CLVS1: variants seen among roughly 807,000 people sequenced by gnomAD.
CLVS1 encodes the protein clavesin 1.
A neutral mutation model predicts 33.1 loss-of-function variants in CLVS1; 10 were observed. That is an observed-to-expected ratio of 0.30 (90% CI 0.19 to 0.51). CLVS1 has a LOEUF of 0.51. CLVS1 is among the 20% of genes least tolerant of loss of function. The pLI, the probability that CLVS1 is intolerant of heterozygous loss-of-function variation, is 0.97. For synonymous variants in CLVS1, 163 were observed against 166.1 expected (o/e 0.98, Z 0.14); for missense variants, 343 against 433.4 (o/e 0.79, Z 1.85).
At chr8:61,449,583 C>T (rs1208324390) in intron 3 of CLVS1, among the ~76,000 whole-genome samples, 1 of 152,298 alleles carries the variant, frequency 6.6e-6, no homozygotes, top group Non-Finnish European at 1.5e-5. Context: ...TGGCATAGAG[C>T]AGCTACTATC....
rs1554541696 is a variant in CLVS1, at chr8:61,166,035, T to TTTTTTTTTG, written c.-152+34183_-152+34184insGTTTTTTTT. 2.5e-4 allele frequency among the ~76,000 whole-genome samples: 26 copies of TTTTTTTTTG among 102,030 alleles called. 2 individuals carry two copies. In the Admixed American group the frequency reaches 2.7e-3, roughly 11 times the overall value. 66.9% of individuals were successfully genotyped at this position (102,030 alleles called of 152,430 possible). On this transcript the variant is annotated intron_variant, in intron 2 of 2. Transcript: ENST00000522621. ...TTTGTGGCTAAGCATCTAAGCGTTT[T>TTTTTTTTTG]TTTTTTTTTTGCCTGCCTTTGGAAT...
At chr8:61,468,941 C>A (rs1272858242) in intron 5 of CLVS1, among the ~76,000 whole-genome samples, 1 of 152,142 alleles carries the variant, frequency 6.6e-6, no homozygotes, top group Non-Finnish European at 1.5e-5. Context: ...CGATACCACA[C>A]CCCACGAGGT....
the CLVS1 span, among the ~76,000 whole-genome samples, chr8:61,022,466 G>A: frequency 6.6e-6 from 1 of 152,038 alleles, no homozygotes; most frequent in South Asian, 2.1e-4. Context: ...ATTTTTAATT[G>A]TGTGAAAGTA....
chr8:61,134,888 C>CT (rs1279192961), intron 2 of CLVS1, among the ~76,000 whole-genome samples: 1 of 151,880 alleles, frequency 6.6e-6, no homozygotes, highest in African/African-American at 2.4e-5. Flanking sequence ...GACATCTTTG[C>CT]TGGGGGGGTG....
intron 2 of CLVS1, among the ~76,000 whole-genome samples, chr8:61,134,684 G>T (rs1474179436): frequency 6.6e-6 from 1 of 152,092 alleles, no homozygotes; most frequent in Admixed American, 6.5e-5. Flanking sequence ...CCATCACAGT[G>T]ATTCTGACAC....
intron 2 of CLVS1, among the ~76,000 whole-genome samples, chr8:61,324,880 T>C (rs577926542): frequency 1.3e-5 from 2 of 152,196 alleles, no homozygotes; most frequent in African/African-American, 4.8e-5. Context: ...TATCTAGAGA[T>C]TTGTGGACTA....
At chr8:61,272,867 G>A (rs1002759960) in intron 2 of CLVS1, among the ~76,000 whole-genome samples, 1 of 152,020 alleles carries the variant, frequency 6.6e-6, no homozygotes, top group African/African-American at 2.4e-5. Context: ...GCACTTGTCT[G>A]TATTGGTTAT....
intron 1 of CLVS1, among the ~76,000 whole-genome samples, chr8:61,087,118 TG>T (rs1805140865): frequency 6.6e-6 from 1 of 152,202 alleles, no homozygotes; most frequent in Non-Finnish European, 1.5e-5. Context: ...GAAAGCAGGC[TG>T]GGCCAGTGAG....
At chr8:61,147,239 A>G (rs1263185337) in intron 2 of CLVS1, among the ~76,000 whole-genome samples, 1 of 152,228 alleles carries the variant, frequency 6.6e-6, no homozygotes, top group Non-Finnish European at 1.5e-5. Context: ...AGACCTAGTC[A>G]TGAGCAAGGT....
chr8:61,369,312 AT>A (rs1315245976), intron 2 of CLVS1, among the ~76,000 whole-genome samples: 2 of 151,960 alleles, frequency 1.3e-5, no homozygotes, highest in African/African-American at 4.8e-5. Flanking sequence ...TCAGAACACA[AT>A]TTTTTTTCTT....
intron 2 of CLVS1, among the ~76,000 whole-genome samples, chr8:61,342,929 A>G (rs1812075821): frequency 6.6e-6 from 1 of 152,268 alleles, no homozygotes; most frequent in South Asian, 2.1e-4. Context: ...AGGAAATCAC[A>G]GTTGGGAGAA....
At chr8:61,486,430 T>C (rs1414771449) in intron 5 of CLVS1, among the ~76,000 whole-genome samples, 1 of 152,242 alleles carries the variant, frequency 6.6e-6, no homozygotes, top group Non-Finnish European at 1.5e-5. Flanking sequence ...TTCAGGCTAC[T>C]GACCTGGAGG....
intron 2 of CLVS1, among the ~76,000 whole-genome samples, chr8:61,171,235 A>G (rs899563046): frequency 6.6e-6 from 1 of 152,160 alleles, no homozygotes; most frequent in African/African-American, 2.4e-5. Context: ...AAATCAAGTT[A>G]ATAGATTGTC....
chr8:61,389,161 T>C (rs763427273), intron 3 of CLVS1, among the ~76,000 whole-genome samples: 1 of 152,218 alleles, frequency 6.6e-6, no homozygotes, highest in African/African-American at 2.4e-5. Flanking sequence ...TTTGGTCATG[T>C]AGTTTCCAAC....
chr8:61,299,600 C>A, intron 1 of CLVS1, 77 bp from the exon 2 acceptor site: 2 of 530,634 alleles, frequency 3.8e-6, no homozygotes, highest in Non-Finnish European at 6.6e-6. Flanking sequence ...GTTTTTCTAT[C>A]TAAGCTCCAA....
chr8:61,417,177 G>T (rs1815471063), intron 3 of CLVS1, among the ~76,000 whole-genome samples: 1 of 152,142 alleles, frequency 6.6e-6, no homozygotes, highest in South Asian at 2.1e-4. Context: ...CTTGGGAGTT[G>T]CTGCAGGGCA....
At chr8:61,472,424 A>G (rs73259356) in intron 5 of CLVS1, among the ~76,000 whole-genome samples, 1 of 152,178 alleles carries the variant, frequency 6.6e-6, no homozygotes, top group Non-Finnish European at 1.5e-5. Context: ...CAACAAAAGA[A>G]GGAGAGAAGA....
chr8:61,318,277 TTAAGA>T (rs1333730511), intron 2 of CLVS1, among the ~76,000 whole-genome samples: 9 of 152,204 alleles, frequency 5.9e-5, no homozygotes, highest in African/African-American at 2.2e-4. Flanking sequence ...TGTAGTTGTG[TTAAGA>T]TGTTTTTGAT....
At chr8:61,170,374 G>A (rs1265214270) in intron 2 of CLVS1, among the ~76,000 whole-genome samples, 1 of 151,918 alleles carries the variant, frequency 6.6e-6, no homozygotes, top group East Asian at 1.9e-4. Flanking sequence ...TTCTGCCTCT[G>A]TCTCTCTGCC....
Sources: gnomAD v4.1 joint callset for allele counts (sites outside exome capture counted in the v4.1 genomes callset) on GRCh38, gnomAD v4.1.1 for gene constraint, MANE v1.5 for transcripts, NCBI Gene and HGNC (gene_info 2026-07-23, HGNC 2026-07-21) for gene names.